Variants in MSRB3 observed in about 807,000 individuals in gnomAD.
MSRB3 encodes methionine sulfoxide reductase B3.
A neutral mutation model predicts 21.0 loss-of-function variants in MSRB3; 13 were observed. The observed-to-expected ratio is 0.62, with a 90% CI of 0.40 to 0.98. The LOEUF (loss-of-function observed/expected upper bound fraction) is 0.98, where lower values mean the gene tolerates loss of function less well. Ranked by LOEUF, MSRB3 falls within the 50% of genes least tolerant of loss-of-function variation. The probability of loss-of-function intolerance (pLI) is 0.00; values close to 1 mark genes in which losing one functional copy is unlikely to be tolerated. For synonymous variants in MSRB3, 87 were observed against 88.6 expected, an observed-to-expected ratio of 0.98 and a Z score of 0.10; for missense variants, 199 against 230.3, an observed-to-expected ratio of 0.86 and a Z score of 0.88.
intron 2 of MSRB3, among the ~76,000 whole-genome samples, chr12:65,323,405 G>A (rs936308659): frequency 6.6e-6 from 1 of 152,208 alleles, no homozygotes; most frequent in Non-Finnish European, 1.5e-5. Flanking sequence ...AAGTTACTCT[G>A]TAAGGAACGG....
chr12:65,315,693 AC>A (rs200942822), intron 2 of MSRB3, among the ~76,000 whole-genome samples: 2,465 of 128,558 alleles, frequency 0.019, 39 homozygotes, highest in African/African-American at 0.049. Context: ...AAAAAAAAAA[AC>A]CCATGAAATG....
At chr12:65,381,092 C>T (rs922813370) in intron 5 of MSRB3, among the ~76,000 whole-genome samples, 1 of 152,088 alleles carries the variant, frequency 6.6e-6, no homozygotes, top group Non-Finnish European at 1.5e-5. Flanking sequence ...ATTCCCCCAG[C>T]ATTAAATTTC....
intron 5 of MSRB3, among the ~76,000 whole-genome samples, chr12:65,369,243 T>C (rs1208547024): frequency 6.6e-6 from 1 of 152,106 alleles, no homozygotes; most frequent in Admixed American, 6.6e-5. Context: ...AAGCATTACA[T>C]GACCTATATC....
At chr12:65,296,089 A>G (rs1872945483) in intron 1 of MSRB3, among the ~76,000 whole-genome samples, 1 of 152,238 alleles carries the variant, frequency 6.6e-6, no homozygotes, top group South Asian at 2.1e-4. Flanking sequence ...CTTCATGCAT[A>G]CACAAAGTTA....
intron 6 of MSRB3, among the ~76,000 whole-genome samples, chr12:65,454,883 T>C (rs1173734482): frequency 6.6e-6 from 1 of 152,206 alleles, no homozygotes; most frequent in Non-Finnish European, 1.5e-5. Context: ...AGAATCTCCA[T>C]CTACATGGAA....
intron 5 of MSRB3, among the ~76,000 whole-genome samples, chr12:65,388,707 A>T (rs1435703156): frequency 6.6e-6 from 1 of 151,980 alleles, no homozygotes; most frequent in Non-Finnish European, 1.5e-5. Flanking sequence ...CCGTCTCTCC[A>T]AGAACATACA....
intron 1 of MSRB3, among the ~76,000 whole-genome samples, chr12:65,293,635 A>G (rs1872783505): frequency 6.6e-6 from 1 of 152,216 alleles, no homozygotes; most frequent in Non-Finnish European, 1.5e-5. Context: ...CCCACAAGCT[A>G]CAGTACATCC....
intron 5 of MSRB3, among the ~76,000 whole-genome samples, chr12:65,384,145 T>C (rs554871666): frequency 2.7e-4 from 41 of 152,334 alleles, no homozygotes; most frequent in African/African-American, 9.6e-4. Context: ...AGTACTTTAA[T>C]TTATTTTGTA....
At chr12:65,375,729 G>T (rs1878573822) in intron 5 of MSRB3, among the ~76,000 whole-genome samples, 1 of 151,906 alleles carries the variant, frequency 6.6e-6, no homozygotes, top group South Asian at 2.1e-4. Flanking sequence ...GAGCCACTGT[G>T]CCCAGCCCAA....
chr12:65,294,584 A>G (rs1354988089), intron 1 of MSRB3, among the ~76,000 whole-genome samples: 1 of 152,156 alleles, frequency 6.6e-6, no homozygotes, highest in Non-Finnish European at 1.5e-5. Flanking sequence ...GTCCTTGTGC[A>G]TGTGTGCACA....
chr12:65,358,885 A>G (rs778690236), intron 4 of MSRB3, among the ~76,000 whole-genome samples: 17 of 151,944 alleles, frequency 1.1e-4, no homozygotes, highest in Admixed American at 2.0e-4. Context: ...ACCTGCTTCT[A>G]TGATTTTATC....
intron 6 of MSRB3, among the ~76,000 whole-genome samples, chr12:65,459,241 C>T (rs553488965): frequency 2.6e-5 from 4 of 152,200 alleles, no homozygotes; most frequent in African/African-American, 9.6e-5. Context: ...TTAATTTGTT[C>T]TAAGTCAGCC....
At chr12:65,445,944 C>G (rs1206393308) in intron 5 of MSRB3, among the ~76,000 whole-genome samples, 1 of 152,070 alleles carries the variant, frequency 6.6e-6, no homozygotes. Flanking sequence ...CATGCCCAGC[C>G]AAGATAAATA....
At chr12:65,347,901 A>T (rs1055740974) in intron 4 of MSRB3, among the ~76,000 whole-genome samples, 2 of 152,170 alleles carry the variant, frequency 1.3e-5, no homozygotes, top group African/African-American at 2.4e-5. Context: ...TGATTTGCGT[A>T]TGTTGAACCA....
intron 2 of MSRB3, among the ~76,000 whole-genome samples, chr12:65,313,132 G>A (rs145697998): frequency 0.011 from 1,680 of 152,122 alleles, 35 homozygotes; most frequent in African/African-American, 0.038. Context: ...TGTTTGAGGC[G>A]GTGAATAAGT....
rs1883567380 is a variant in MSRB3 at position 65,466,217 on chromosome 12, A to G, written c.*2895A>G. The G allele has an allele frequency of 1.3e-5, 2 of 152,138 alleles. No individual in the cohort carries two copies. The highest frequency in any genetic ancestry group is 2.4e-5 in the African/African-American group (1 of 41,426). 9.4% of individuals were successfully genotyped at this position (152,138 alleles called of 1,614,324 possible). ...CGACTTTAAGAAAAATGCAACATCT[A>G]TTGAAAAAAAGTGGGGTGTATGCAT... On this transcript the variant is annotated 3_prime_UTR_variant, in exon 7 of 7. Transcript: ENST00000308259.
intron 5 of MSRB3, among the ~76,000 whole-genome samples, chr12:65,434,414 G>C (rs1045648286): frequency 3.3e-5 from 5 of 151,930 alleles, no homozygotes; most frequent in Non-Finnish European, 7.4e-5. Context: ...GAGAAGATAA[G>C]TCTAACATGG....
chr12:65,350,108 A>G (rs1008857000), intron 4 of MSRB3, among the ~76,000 whole-genome samples: 2 of 152,014 alleles, frequency 1.3e-5, no homozygotes, highest in African/African-American at 4.8e-5. Context: ...GAAGGGATCC[A>G]GTTTCAGCTA....
intron 6 of MSRB3, among the ~76,000 whole-genome samples, chr12:65,461,069 A>AACAC (rs147455687): frequency 6.6e-6 from 1 of 151,494 alleles, no homozygotes; most frequent in Non-Finnish European, 1.5e-5. Context: ...TCTCTCATTA[A>AACAC]ACACACACAC....
Sources: gnomAD v4.1 joint callset for allele counts (sites outside exome capture counted in the v4.1 genomes callset) on GRCh38, gnomAD v4.1.1 for gene constraint, MANE v1.5 for transcripts, NCBI Gene and HGNC (gene_info 2026-07-23, HGNC 2026-07-21) for gene names.